IGF2BP2: variants seen among roughly 807,000 people sequenced by gnomAD.
IGF2BP2 encodes the protein insulin-like growth factor 2 mRNA-binding protein 2.
A neutral mutation model predicts 75.8 loss-of-function variants in IGF2BP2; 17 were observed. That is an observed-to-expected ratio of 0.22 (90% CI 0.15 to 0.34). IGF2BP2 has a LOEUF of 0.34. Ranked by LOEUF, IGF2BP2 falls within the 10% of genes least tolerant of loss-of-function variation. IGF2BP2 has a pLI of 1.00. For synonymous variants in IGF2BP2, 288 were observed against 295.6 expected, an observed-to-expected ratio of 0.97 and a Z score of 0.26; for missense variants, 516 against 772.4, an observed-to-expected ratio of 0.67 and a Z score of 3.93.
intron 2 of IGF2BP2, among the ~76,000 whole-genome samples, chr3:185,745,765 A>G (rs1230949664): frequency 6.6e-6 from 1 of 152,036 alleles, no homozygotes; most frequent in East Asian, 1.9e-4. Flanking sequence ...CTCTGGTCAC[A>G]GTGCACAGCA....
At chr3:185,774,761 T>C (rs1734325739) in intron 2 of IGF2BP2, among the ~76,000 whole-genome samples, 1 of 152,062 alleles carries the variant, frequency 6.6e-6, no homozygotes, top group South Asian at 2.1e-4. Flanking sequence ...CCCAGCACTT[T>C]GGGAGACCAA....
At chr3:185,665,554 GAGGAGAAGGAGA>G (rs1222320673) in intron 10 of IGF2BP2, among the ~76,000 whole-genome samples, 1 of 146,026 alleles carries the variant, frequency 6.8e-6, no homozygotes, top group Admixed American at 6.8e-5. Flanking sequence ...GGAGAAGGAG[GAGGAGAAGGAGA>G]AGGAGAAGAA....
At chr3:185,665,275 AAGG>A (rs1277364985) in intron 10 of IGF2BP2, among the ~76,000 whole-genome samples, 1 of 76,884 alleles carries the variant, frequency 1.3e-5, no homozygotes, top group Non-Finnish European at 2.7e-5. Context: ...GGAGGAGGAG[AAGG>A]AGAAGAAGAA....
chr3:185,811,906 C>A (rs1341707002), intron 2 of IGF2BP2, among the ~76,000 whole-genome samples: 1 of 151,494 alleles, frequency 6.6e-6, no homozygotes, highest in East Asian at 1.9e-4. Flanking sequence ...GCATCAGAAC[C>A]TCTCAGGGGA....
chr3:185,710,704 G>A (rs931562910), intron 2 of IGF2BP2, among the ~76,000 whole-genome samples: 3 of 151,918 alleles, frequency 2.0e-5, no homozygotes, highest in Admixed American at 2.0e-4. Context: ...CTCCACTCAA[G>A]CCTGGGCAAT....
At chr3:185,742,622 A>C (rs1384215551) in intron 2 of IGF2BP2, among the ~76,000 whole-genome samples, 1 of 152,104 alleles carries the variant, frequency 6.6e-6, no homozygotes, top group Non-Finnish European at 1.5e-5. Context: ...ACCCCACTGC[A>C]CTCCAGCCTG....
At chr3:185,786,523 C>G (rs1427616328) in intron 2 of IGF2BP2, among the ~76,000 whole-genome samples, 1 of 152,142 alleles carries the variant, frequency 6.6e-6, no homozygotes, top group African/African-American at 2.4e-5. Context: ...AGCTCCCCCA[C>G]TGAGCACCTT....
chr3:185,677,060 TATATATATAG>T (rs1560276162), intron 7 of IGF2BP2, among the ~76,000 whole-genome samples: 2 of 52,836 alleles, frequency 3.8e-5, no homozygotes, highest in African/African-American at 8.9e-5. Context: ...TATATATATA[TATATATATAG>T]AGAGAGAGAG....
rs763088914 is a variant in IGF2BP2, at chr3:185,647,188, C to T, written c.1594-50G>A. Reference sequence around the variant, plus strand: ...GTTGGATAGGTTCCCTCCCCGTCAACGTGGTGGGCTCAGGACGGAGTGAGG... The same window carrying T: ...GTTGGATAGGTTCCCTCCCCGTCAATGTGGTGGGCTCAGGACGGAGTGAGG... On this transcript the variant is annotated intron_variant, in intron 14 of 15. Coordinates refer to ENST00000382199, the MANE Select transcript of IGF2BP2 (RefSeq NM_006548.6). The surrounding 1 kb of genome is among the most constrained non-coding windows in gnomAD (Gnocchi z 4.9). 8 of 1,335,910 alleles carry T rather than the reference C, an allele frequency of 6.0e-6. No individual in the cohort carries two copies. Among genetic ancestry groups the T allele is most frequent in the South Asian group, 1.2e-5 (1 of 85,408 alleles). The allele number at this position is 1,335,910 out of a possible 1,614,324, so 82.8% of individuals were successfully genotyped here.
intron 12 of IGF2BP2, among the ~76,000 whole-genome samples, chr3:185,656,786 G>A (rs749346003): frequency 3.3e-5 from 5 of 152,222 alleles, no homozygotes; most frequent in Admixed American, 1.3e-4. Context: ...GTCAAGGACC[G>A]TCCTTCCTGA....
intron 2 of IGF2BP2, among the ~76,000 whole-genome samples, chr3:185,707,889 T>A (rs935584889): frequency 1.3e-5 from 2 of 152,170 alleles, no homozygotes; most frequent in African/African-American, 2.4e-5. Flanking sequence ...TTAGCTCAAG[T>A]TTTACTAGAA....
At chr3:185,769,214 G>A (rs1733528249) in intron 2 of IGF2BP2, among the ~76,000 whole-genome samples, 1 of 151,974 alleles carries the variant, frequency 6.6e-6, no homozygotes, top group South Asian at 2.1e-4. Context: ...GCATGGGGAG[G>A]CTGAGGAGGA....
Position 185,755,655 on chromosome 3 carries a change from G to A in IGF2BP2, c.240-57308C>T, listed in dbSNP as rs531810264. Among the ~76,000 whole-genome samples the A allele has an allele frequency of 4.6e-5, 7 of 152,324 alleles. 2 individuals carry two copies. The highest frequency in any genetic ancestry group is 1.4e-4 in the African/African-American group (6 of 41,576). On this transcript the variant is annotated intron_variant, in intron 2 of 15. Transcript: ENST00000382199. ...AGTCCACCTTTCAAATCAAGATGTG[G>A]GACATGGAGTTAAGGATTACATTGG... is the stretch of plus-strand genomic sequence containing the variant.
At chr3:185,804,153 A>T (rs1738659381) in intron 2 of IGF2BP2, among the ~76,000 whole-genome samples, 2 of 151,858 alleles carry the variant, frequency 1.3e-5, no homozygotes, top group South Asian at 4.2e-4. Context: ...GCTACTCGGG[A>T]GACTGAGGCA....
intron 2 of IGF2BP2, among the ~76,000 whole-genome samples, chr3:185,785,736 C>G (rs1735800029): frequency 6.6e-6 from 1 of 152,250 alleles, no homozygotes; most frequent in East Asian, 1.9e-4. Flanking sequence ...TCACTTGAAC[C>G]CAGAAGTTTG....
chr3:185,824,084 G>A (rs867206421), intron 1 of IGF2BP2, among the ~76,000 whole-genome samples: 23 of 151,984 alleles, frequency 1.5e-4, no homozygotes, highest in Non-Finnish European at 3.2e-4. Flanking sequence ...AAAATTCAGA[G>A]AAAAATAGGA....
At chr3:185,704,209 C>T (rs546826809) in intron 2 of IGF2BP2, among the ~76,000 whole-genome samples, 42 of 152,324 alleles carry the variant, frequency 2.8e-4, no homozygotes, top group Non-Finnish European at 5.1e-4. Context: ...TAACCGGCCC[C>T]GAGCTGGGAC....
intron 2 of IGF2BP2, among the ~76,000 whole-genome samples, chr3:185,746,671 G>A (rs1005897466): frequency 6.6e-5 from 10 of 152,136 alleles, no homozygotes; most frequent in Admixed American, 3.9e-4. Flanking sequence ...GCAAAAGTGG[G>A]GACAAAGCCA....
intron 2 of IGF2BP2, among the ~76,000 whole-genome samples, chr3:185,745,684 T>C (rs767844353): frequency 4.6e-5 from 7 of 152,142 alleles, no homozygotes; most frequent in Non-Finnish European, 7.4e-5. Context: ...CAGGAAACCA[T>C]AGAGAAGACA....
Sources: gnomAD v4.1 joint callset for allele counts (sites outside exome capture counted in the v4.1 genomes callset) on GRCh38, gnomAD v4.1.1 for gene constraint, Gnocchi (gnomAD v3.1) non-coding constraint, MANE v1.5 for transcripts, NCBI Gene and HGNC (gene_info 2026-07-23, HGNC 2026-07-21) for gene names.